The following PRKN variants were observed in gnomAD, a reference collection of about 807,000 sequenced individuals.
The protein encoded by PRKN is E3 ubiquitin-protein ligase parkin.
A neutral mutation model predicts 59.5 loss-of-function variants in PRKN; 56 were observed. The ratio of observed to expected loss-of-function variants is 0.94; its 90% CI spans 0.76 to 1.18. PRKN has a LOEUF of 1.18. Among genes scored for constraint, PRKN ranks in the 50% most tolerant of loss-of-function variants. The pLI, the probability that PRKN is intolerant of heterozygous loss-of-function variation, is 0.00. For synonymous variants in PRKN, 250 were observed against 222.1 expected (o/e 1.13, Z -1.12); for missense variants, 657 against 596.4 (o/e 1.10, Z -1.06).
Position 162,450,971 on chromosome 6 carries a change from C to A in PRKN, c.8-7498G>T, listed in dbSNP as rs138851937. ...ACTGGGTGTGGGGTACATGGGAACT[C>A]CCTGTACTATTTTTGCATCTTTTTC... is the stretch of plus-strand genomic sequence containing the variant. On this transcript the variant is annotated intron_variant, in intron 1 of 11. Transcript: ENST00000366898. Among the ~76,000 whole-genome samples, 6 of 152,154 alleles carry A rather than the reference C, an allele frequency of 3.9e-5. No individual in the cohort carries two copies. The East Asian group carries it at 9.7e-4, about 25-fold the overall frequency.
chr6:162,029,569 G>A (rs1783562215), intron 5 of PRKN, among the ~76,000 whole-genome samples: 1 of 152,192 alleles, frequency 6.6e-6, no homozygotes. Flanking sequence ...ATCCATGCCA[G>A]CGCTCTTTGC....
At chr6:162,628,889 G>A (rs371328715) in intron 1 of PRKN, among the ~76,000 whole-genome samples, 1 of 152,054 alleles carries the variant, frequency 6.6e-6, no homozygotes. Flanking sequence ...CCTTAACCCA[G>A]TGAAGGTTAA....
At chr6:162,382,986 T>C (rs1374988968) in intron 2 of PRKN, among the ~76,000 whole-genome samples, 2 of 152,180 alleles carry the variant, frequency 1.3e-5, no homozygotes, top group Non-Finnish European at 2.9e-5. Flanking sequence ...TATTATGAGA[T>C]TGCAGCAATT....
rs983747571 is a variant in PRKN at position 161,771,305 on chromosome 6, G to A, written c.871+14467C>T. Among the ~76,000 whole-genome samples the A allele has an allele frequency of 7.4e-5, 11 of 147,976 alleles. No homozygotes were observed. The South Asian group carries it at 1.9e-3, about 26-fold the overall frequency. On this transcript the variant is annotated intron_variant, in intron 7 of 11. Coordinates refer to ENST00000366898, the MANE Select transcript of PRKN (RefSeq NM_004562.3). Reference sequence around the variant, plus strand: ...TGGGAGGCAGAGCTTGCAGTGAGCCGAGATCGCGCCACTGCGCTCCAGCTT... The same window carrying A: ...TGGGAGGCAGAGCTTGCAGTGAGCCAAGATCGCGCCACTGCGCTCCAGCTT...
intron 1 of PRKN, among the ~76,000 whole-genome samples, chr6:162,607,436 C>A (rs1342370406): frequency 1.3e-5 from 2 of 151,892 alleles, no homozygotes; most frequent in Admixed American, 6.6e-5. Context: ...TAGGTGGAGA[C>A]AAAGCAAGTG....
At chr6:162,607,589 G>C (rs1236044342) in intron 1 of PRKN, among the ~76,000 whole-genome samples, 1 of 151,838 alleles carries the variant, frequency 6.6e-6, no homozygotes, top group Non-Finnish European at 1.5e-5. Context: ...AAAACACATG[G>C]AAAACATCCC....
At chr6:161,805,115 C>T (rs1791250847) in intron 6 of PRKN, among the ~76,000 whole-genome samples, 1 of 152,134 alleles carries the variant, frequency 6.6e-6, no homozygotes, top group South Asian at 2.1e-4. Flanking sequence ...AGAAATTTAA[C>T]AGTGGGAGGC....
At chr6:162,632,153 T>G (rs1783135822) in intron 1 of PRKN, among the ~76,000 whole-genome samples, 1 of 152,208 alleles carries the variant, frequency 6.6e-6, no homozygotes, top group Non-Finnish European at 1.5e-5. Context: ...ATCCCATTAC[T>G]GGGTATATAC....
intron 6 of PRKN, among the ~76,000 whole-genome samples, chr6:161,954,005 G>A (rs1212938577): frequency 6.6e-6 from 1 of 152,050 alleles, no homozygotes; most frequent in Non-Finnish European, 1.5e-5. Context: ...CTTACGTGAG[G>A]ACTGGGACAC....
In PRKN at chr6:161,490,349, C is replaced by G. The variant is rs545775168; in HGVS notation, c.1083+58505G>C. Among the ~76,000 whole-genome samples the G allele has an allele frequency of 3.0e-3, 456 of 150,620 alleles. 4 individuals are homozygous for G. The highest frequency in any genetic ancestry group is 0.011 in the African/African-American group (431 of 41,026). ...GCTTGCTTGCTTGCTTTCTCTCTCT[C>G]TCTCTCTCTCCCTCTCTCTCTCTCT... On this transcript the variant is annotated intron_variant, in intron 9 of 11. Coordinates refer to ENST00000366898, the MANE Select transcript of PRKN (RefSeq NM_004562.3).
intron 7 of PRKN, among the ~76,000 whole-genome samples, chr6:161,771,378 A>C (rs1235979879): frequency 1.0e-5 from 1 of 95,620 alleles, no homozygotes; most frequent in Admixed American, 9.8e-5. Flanking sequence ...AAAATAAAAT[A>C]AAATAAAATA....
At chr6:162,099,807 GAATGT>G (rs1779890597) in intron 4 of PRKN, among the ~76,000 whole-genome samples, 1 of 152,136 alleles carries the variant, frequency 6.6e-6, no homozygotes, top group South Asian at 2.1e-4. Flanking sequence ...TGATTTTCAA[GAATGT>G]AATACATTGT....
intron 9 of PRKN, among the ~76,000 whole-genome samples, chr6:161,531,630 A>G (rs980165620): frequency 2.0e-5 from 3 of 152,198 alleles, no homozygotes; most frequent in African/African-American, 7.2e-5. Context: ...TGTACGTGTG[A>G]GTGGACATAG....
chr6:162,410,898 G>A (rs1446224342), intron 2 of PRKN, among the ~76,000 whole-genome samples: 2 of 152,140 alleles, frequency 1.3e-5, no homozygotes, highest in African/African-American at 2.4e-5. Context: ...GGAGGTGACA[G>A]GGAAAGGAAA....
At chr6:162,095,143 TTAC>T (rs1444509503) in intron 4 of PRKN, among the ~76,000 whole-genome samples, 3 of 152,180 alleles carry the variant, frequency 2.0e-5, no homozygotes, top group African/African-American at 7.2e-5. Flanking sequence ...GGCTTTAGAA[TTAC>T]TACAAGTGAA....
intron 6 of PRKN, among the ~76,000 whole-genome samples, chr6:161,899,496 G>T (rs1415482837): frequency 1.3e-5 from 2 of 152,168 alleles, no homozygotes; most frequent in East Asian, 3.8e-4. Flanking sequence ...TCCAGCCACA[G>T]GTGAAGGGTG....
chr6:162,170,410 C>T (rs1783218159), intron 4 of PRKN, among the ~76,000 whole-genome samples: 1 of 152,130 alleles, frequency 6.6e-6, no homozygotes, highest in South Asian at 2.1e-4. Context: ...AGACATGCTA[C>T]TTTTTACTTT....
chr6:162,699,820 GA>G (rs2128236539), intron 1 of PRKN, among the ~76,000 whole-genome samples: 1 of 152,192 alleles, frequency 6.6e-6, no homozygotes, highest in African/African-American at 2.4e-5. Context: ...GCTGTTCTCT[GA>G]AGTTCTCTTG....
rs1267572943 is a variant in PRKN at position 161,395,380 on chromosome 6, A to G, written c.1084-8503T>C. Among the ~76,000 whole-genome samples, 1 of 152,164 alleles carries G rather than the reference A, an allele frequency of 6.6e-6. No homozygotes were observed. The highest frequency in any genetic ancestry group is 2.4e-5 in the African/African-American group (1 of 41,444). The stretch of plus-strand genomic sequence containing the variant: ...TTCGTTCATTTCACCAGCCCCTCCG[A>G]TCAGCATTTAGGTCCTTCCAATATT... On this transcript the variant is annotated intron_variant, in intron 9 of 11. Transcript: ENST00000366898. The surrounding 1 kb of genome is among the most constrained non-coding windows in gnomAD (Gnocchi z 5.0).
Sources: allele counts gnomAD v4.1 joint callset (sites outside exome capture counted in the v4.1 genomes callset), GRCh38; gene constraint gnomAD v4.1.1; non-coding constraint Gnocchi (gnomAD v3.1); transcripts MANE v1.5; gene names NCBI Gene and HGNC (gene_info 2026-07-23, HGNC 2026-07-21).